The following DLG5 variants were observed in gnomAD, a reference collection of about 807,000 sequenced individuals.
DLG5 encodes the protein disks large homolog 5.
In DLG5, 48 loss-of-function variants were observed where a neutral mutation model predicts 189.8. That is an observed-to-expected ratio of 0.25 (90% CI 0.20 to 0.32). The LOEUF (loss-of-function observed/expected upper bound fraction) is 0.32. DLG5 is among the 10% of genes least tolerant of loss of function. DLG5 has a pLI of 1.00. For synonymous variants in DLG5, 1,016 were observed against 1,054.1 expected, an observed-to-expected ratio of 0.96 and a Z score of 0.70; for missense variants, 2,160 against 2,544.7, an observed-to-expected ratio of 0.85 and a Z score of 3.25.
intron 12 of DLG5, among the ~76,000 whole-genome samples, 177 bp from the exon 13 acceptor site, chr10:77,829,162 G>GT (rs1280682916): frequency 6.6e-6 from 1 of 152,196 alleles, no homozygotes; most frequent in Non-Finnish European, 1.5e-5. Context: ...ATCTACCCTG[G>GT]TGAATCAAAC....
Position 77,796,805 on chromosome 10 carries a change from G to C in DLG5, c.5165-211C>G, listed in dbSNP as rs1388774445. Among the ~76,000 whole-genome samples, 1 of 152,206 alleles carries C rather than the reference G, an allele frequency of 6.6e-6. No homozygotes were observed. On this transcript the variant is annotated intron_variant, in intron 27 of 31. Transcript: ENST00000372391. This position sits in a 1 kb window ranked among gnomAD's most constrained non-coding sequence, Gnocchi z 5.2. ...CCCCCCATGCCCTCTGTGAACACCA[G>C]AGGCAGCTGGTCTCAACCACTCATC...
intron 2 of DLG5, among the ~76,000 whole-genome samples, chr10:77,867,577 CG>C (rs1844734830): frequency 1.3e-5 from 2 of 152,282 alleles, no homozygotes; most frequent in South Asian, 4.1e-4. Flanking sequence ...AATAGGATAC[CG>C]TTGGGAGCTT....
chr10:77,805,216 C>T (rs916893858), intron 27 of DLG5, among the ~76,000 whole-genome samples: 1 of 152,154 alleles, frequency 6.6e-6, no homozygotes, highest in Non-Finnish European at 1.5e-5. Context: ...GTGATCCACC[C>T]ACCTCAGCCT....
chr10:77,797,802 C>T (rs1429929195), intron 27 of DLG5, among the ~76,000 whole-genome samples: 1 of 152,204 alleles, frequency 6.6e-6, no homozygotes, highest in African/African-American at 2.4e-5. Flanking sequence ...GCTGCAGCAG[C>T]AGGCTCCATG....
At chr10:77,797,358 T>C (rs1468246315) in intron 27 of DLG5, among the ~76,000 whole-genome samples, 1 of 152,228 alleles carries the variant, frequency 6.6e-6, no homozygotes, top group Non-Finnish European at 1.5e-5. Flanking sequence ...CTCCCTGGTA[T>C]AAGTCACTGT....
intron 23 of DLG5, 83 bp downstream of exon 23, chr10:77,811,011 A>G (rs1841739300): frequency 6.6e-7 from 1 of 1,523,888 alleles, no homozygotes; most frequent in Non-Finnish European, 8.8e-7. Context: ...CCAGCTGCCC[A>G]GTGCCCACGC....
At chr10:77,809,099 CAA>C (rs34681951) in intron 24 of DLG5, among the ~76,000 whole-genome samples, 88 of 130,672 alleles carry the variant, frequency 6.7e-4, no homozygotes, top group Admixed American at 1.1e-3. Flanking sequence ...AACTCTGTCT[CAA>C]AAAAAAAAAA....
At chr10:77,920,820 G>A (rs1388075626) in intron 1 of DLG5, among the ~76,000 whole-genome samples, 1 of 152,194 alleles carries the variant, frequency 6.6e-6, no homozygotes, top group Non-Finnish European at 1.5e-5. Context: ...CGATCCAAGA[G>A]GTCAAACGTC....
At position 77,796,637 on chromosome 10, in the gene DLG5, TGGAGGA is replaced by T. The variant is rs764722546; in HGVS notation, c.5165-49_5165-44del. 6.2e-7 allele frequency: 1 copy of T among 1,610,106 alleles called. No homozygotes were observed. Among genetic ancestry groups the T allele is most frequent in the East Asian group, 2.2e-5 (1 of 44,778 alleles). On this transcript the variant is annotated intron_variant, in intron 27 of 31. Coordinates refer to ENST00000372391, the MANE Select transcript of DLG5 (RefSeq NM_004747.4). The surrounding 1 kb of genome is among the most constrained non-coding windows in gnomAD (Gnocchi z 5.2). ...GCAGCGTCACGGACCCAGCTTGGAG[TGGAGGA>T]CCTGAGTGGGGCTGGGGAACCCCGC...
chr10:77,879,247 T>A (rs1845200439), intron 1 of DLG5, among the ~76,000 whole-genome samples: 1 of 151,782 alleles, frequency 6.6e-6, no homozygotes, highest in South Asian at 2.1e-4. Context: ...GAGGAGGGAA[T>A]AGCAAGTGCA....
At chr10:77,878,124 G>A (rs1845163244) in intron 1 of DLG5, among the ~76,000 whole-genome samples, 1 of 152,206 alleles carries the variant, frequency 6.6e-6, no homozygotes, top group Non-Finnish European at 1.5e-5. Flanking sequence ...AGTAAATGGA[G>A]AAGAGGCTGC....
chr10:77,849,671 C>T (rs1227006293), intron 5 of DLG5, among the ~76,000 whole-genome samples: 2 of 152,130 alleles, frequency 1.3e-5, no homozygotes, highest in Non-Finnish European at 2.9e-5. Flanking sequence ...AAAAGGAGAG[C>T]AGGGAATGGG....
intron 1 of DLG5, among the ~76,000 whole-genome samples, chr10:77,880,950 C>T (rs553211212): frequency 1.4e-5 from 2 of 142,664 alleles, no homozygotes; most frequent in East Asian, 4.5e-4. Context: ...CTCTCATCCA[C>T]TAACCCTAGA....
intron 14 of DLG5, among the ~76,000 whole-genome samples, chr10:77,822,621 C>T (rs1029811728): frequency 5.9e-5 from 9 of 152,074 alleles, no homozygotes; most frequent in African/African-American, 1.2e-4. Context: ...CCAGTCTGGG[C>T]GACACAATGA....
intron 29 of DLG5, 114 bp downstream of exon 29, chr10:77,795,947 G>A: frequency 6.9e-7 from 1 of 1,452,708 alleles, no homozygotes; most frequent in Non-Finnish European, 9.5e-7. Flanking sequence ...ACAACACGGT[G>A]GGCTCACTGA....
chr10:77,917,254 A>G (rs1479854151), intron 1 of DLG5, among the ~76,000 whole-genome samples: 1 of 152,070 alleles, frequency 6.6e-6, no homozygotes, highest in Admixed American at 6.6e-5. Context: ...AGGTGGGAGA[A>G]TGGCGTGAAC....
intron 24 of DLG5, 112 bp from the exon 25 acceptor site, chr10:77,808,056 T>A: frequency 1.5e-6 from 2 of 1,311,380 alleles, no homozygotes; most frequent in Non-Finnish European, 2.1e-6. Flanking sequence ...CCTCCTTAAC[T>A]GAGACTCTGG....
intron 13 of DLG5, 30 bp downstream of exon 13, chr10:77,828,852 G>C (rs1179428799): frequency 1.2e-6 from 2 of 1,600,882 alleles, no homozygotes; most frequent in Non-Finnish European, 1.7e-6. Flanking sequence ...ATGCACGGCA[G>C]ATGACCCTGG....
rs769731476 is a variant in DLG5 at position 77,830,354 on chromosome 10, C to T, written c.1882-10G>A. ...TCAAGTCAATATCCTCCTGCAAAAA[C>T]AGCAGCAACAGCAACGCATTTCACA... On this transcript the variant is annotated splice_polypyrimidine_tract_variant and intron_variant, in intron 10 of 31. Transcript: ENST00000372391. 6.2e-7 allele frequency: 1 copy of T among 1,614,168 alleles called. No individual in the cohort carries two copies. The highest frequency in any genetic ancestry group is 1.1e-5 in the South Asian group (1 of 91,078).
Sources: gnomAD v4.1 joint callset for allele counts (sites outside exome capture counted in the v4.1 genomes callset) on GRCh38, gnomAD v4.1.1 for gene constraint, Gnocchi (gnomAD v3.1) non-coding constraint, MANE v1.5 for transcripts, NCBI Gene and HGNC (gene_info 2026-07-23, HGNC 2026-07-21) for gene names.